SNX18: variants seen among roughly 807,000 people sequenced by gnomAD.
SNX18 encodes the protein sorting nexin-18.
In SNX18, 35 loss-of-function variants were observed where a neutral mutation model predicts 48.7. The observed-to-expected ratio is 0.72, with a 90% CI of 0.55 to 0.95. The LOEUF (loss-of-function observed/expected upper bound fraction) is 0.95, where lower values mean the gene tolerates loss of function less well. SNX18 is among the 40% of genes least tolerant of loss of function. The pLI, the probability that SNX18 is intolerant of heterozygous loss-of-function variation, is 0.00. For synonymous variants in SNX18, 492 were observed against 384.7 expected, an observed-to-expected ratio of 1.28 and a Z score of -3.26; for missense variants, 824 against 871.0, an observed-to-expected ratio of 0.95 and a Z score of 0.68.
At position 54,518,420 on chromosome 5, in the gene SNX18, C is replaced by G. The variant is rs752246839; in HGVS notation, c.468C>G (p.Asp156Glu). The G allele has an allele frequency of 6.3e-7, 1 of 1,583,608 alleles. No individual in the cohort carries two copies. The highest frequency in any genetic ancestry group is 1.4e-5 in the African/African-American group (1 of 73,922). Residue 156 changes from aspartate to glutamate, a missense_variant, in exon 1 of 2, where the codon GAC becomes GAG. By Grantham distance (45) the Asp-to-Glu change is conservative. This residue lies in a region of SNX18 where 377 missense variants were observed against 350.6 expected (regional missense o/e 1.08). Coordinates refer to ENST00000381410, the MANE Select transcript of SNX18 (RefSeq NM_001102575.2). Reference sequence around the variant, plus strand: ...AAGGCAGCGATGATGACTGGGACGACGAGTGGGACGACAGCTCCACGGTGG... The same window carrying G: ...AAGGCAGCGATGATGACTGGGACGAGGAGTGGGACGACAGCTCCACGGTGG... ...ASQGSDDDWD[D>E]EWDDSSTVAD...
At chr5:54,547,992 A>G (rs933840300), downstream of SNX18, among the ~76,000 whole-genome samples, 1 of 152,192 alleles carries the variant, frequency 6.6e-6, no homozygotes, top group Non-Finnish European at 1.5e-5. Context: ...CTGCTGTGCT[A>G]GGGCTCCATG....
At chr5:54,619,380 G>A in the SNX18 span, among the ~76,000 whole-genome samples, 1 of 152,110 alleles carries the variant, frequency 6.6e-6, no homozygotes, top group East Asian at 1.9e-4. Context: ...GCATGATGAT[G>A]CATGCCTGTA....
chr5:54,537,964 A>G (rs1388551716), intron 1 of SNX18, among the ~76,000 whole-genome samples: 5 of 152,160 alleles, frequency 3.3e-5, no homozygotes, highest in Non-Finnish European at 7.3e-5. Context: ...CAAATTACTT[A>G]ATTTCTAAAG....
the SNX18 span, among the ~76,000 whole-genome samples, chr5:54,577,114 G>T: frequency 6.6e-6 from 1 of 152,196 alleles, no homozygotes; most frequent in South Asian, 2.1e-4. Context: ...AGTAGCTGTG[G>T]GTTGTTCTAA....
At chr5:54,626,897 T>C in the SNX18 span, among the ~76,000 whole-genome samples, 248 of 152,370 alleles carry the variant, frequency 1.6e-3, no homozygotes, top group African/African-American at 5.7e-3. Flanking sequence ...TGAACATGCA[T>C]GTAGAACATG....
chr5:54,540,211 C>CT (rs58582682), intron 1 of SNX18, among the ~76,000 whole-genome samples: 11,421 of 139,610 alleles, frequency 0.082, 469 homozygotes, highest in Middle Eastern at 0.11. Flanking sequence ...TAGACTTGTT[C>CT]TTTTTTTTTT....
the SNX18 span, among the ~76,000 whole-genome samples, chr5:54,627,071 C>T: frequency 6.6e-6 from 1 of 152,200 alleles, no homozygotes; most frequent in African/African-American, 2.4e-5. Flanking sequence ...TCTCATAGAG[C>T]AATGTCCATT....
the SNX18 span, among the ~76,000 whole-genome samples, chr5:54,606,827 T>G: frequency 6.6e-6 from 1 of 152,288 alleles, no homozygotes; most frequent in East Asian, 1.9e-4. Context: ...TACTCACGTG[T>G]GTGTATGTGT....
At chr5:54,555,595 G>A in the SNX18 span, among the ~76,000 whole-genome samples, 1 of 152,008 alleles carries the variant, frequency 6.6e-6, no homozygotes, top group African/African-American at 2.4e-5. Flanking sequence ...AGCGCTTTGG[G>A]AAGCCAAGGT....
chr5:54,595,939 T>C, the SNX18 span, among the ~76,000 whole-genome samples: 1 of 152,194 alleles, frequency 6.6e-6, no homozygotes, highest in African/African-American at 2.4e-5. Flanking sequence ...CCTCCTTTTC[T>C]CTGTGCCTGT....
At chr5:54,534,754 G>A (rs1762320556) in intron 1 of SNX18, among the ~76,000 whole-genome samples, 1 of 151,946 alleles carries the variant, frequency 6.6e-6, no homozygotes, top group South Asian at 2.1e-4. Context: ...CAAATGAGAA[G>A]CAGAGGAACA....
chr5:54,589,378 C>T, the SNX18 span, among the ~76,000 whole-genome samples: 1 of 152,132 alleles, frequency 6.6e-6, no homozygotes, highest in Admixed American at 6.6e-5. Context: ...GTGGCAAACC[C>T]TGAGGCACGA....
At chr5:54,547,978 G>A (rs1762600158), downstream of SNX18, among the ~76,000 whole-genome samples, 1 of 152,198 alleles carries the variant, frequency 6.6e-6, no homozygotes. Flanking sequence ...CGTATAGAGG[G>A]ATGCTGCTGT....
At chr5:54,533,824 A>G (rs954861609) in intron 1 of SNX18, among the ~76,000 whole-genome samples, 4 of 152,182 alleles carry the variant, frequency 2.6e-5, no homozygotes, top group African/African-American at 9.7e-5. Flanking sequence ...ATTTTGCTCA[A>G]AACAATATGA....
the SNX18 span, among the ~76,000 whole-genome samples, chr5:54,598,658 A>C: frequency 6.6e-6 from 1 of 152,198 alleles, no homozygotes; most frequent in Non-Finnish European, 1.5e-5. Flanking sequence ...TAGACACATA[A>C]AGGACTTTGA....
chr5:54,585,653 G>A, the SNX18 span, among the ~76,000 whole-genome samples: 2 of 152,042 alleles, frequency 1.3e-5, no homozygotes, highest in African/African-American at 4.8e-5. Context: ...GACTGTAGCA[G>A]GAGGATAAAA....
chr5:54,620,224 A>T, the SNX18 span, among the ~76,000 whole-genome samples: 1 of 152,096 alleles, frequency 6.6e-6, no homozygotes, highest in African/African-American at 2.4e-5. Flanking sequence ...GTGGACATAC[A>T]GGAGGCATAA....
Sources: allele counts gnomAD v4.1 joint callset (sites outside exome capture counted in the v4.1 genomes callset), GRCh38; gene constraint gnomAD v4.1.1; regional missense constraint gnomAD v4.1.1; transcripts MANE v1.5; gene names NCBI Gene and HGNC (gene_info 2026-07-23, HGNC 2026-07-21).